The following SBNO2 variants were observed in gnomAD, a reference collection of about 807,000 sequenced individuals.
SBNO2 encodes protein strawberry notch homolog 2.
A neutral mutation model predicts 146.3 loss-of-function variants in SBNO2; 89 were observed. The observed-to-expected ratio is 0.61, with a 90% confidence interval of 0.51 to 0.73. SBNO2 has a LOEUF of 0.73. Among genes scored for constraint, SBNO2 ranks in the 30% least tolerant of loss-of-function variants. SBNO2 has a pLI of 0.00. For synonymous variants in SBNO2, 1,147 were observed against 892.6 expected, an observed-to-expected ratio of 1.29 and a Z score of -5.08; for missense variants, 2,092 against 2,003.7, an observed-to-expected ratio of 1.04 and a Z score of -0.84.
chr19:1,112,496 G>A lies in SBNO2; in HGVS notation c.2421C>T (p.Ser807=), dbSNP rs1025659774. ...TCTGGACACGGCGGTCGGCTTGGAG[G>A]GAGACACCCGAGCTGGAGGCCTCCG... ...IISEASSSGV[S]LQADRRVQNQ... is the part of the protein sequence containing the mutation. The change falls in exon 21 of 32, where the codon TCC becomes TCT. Residue 807 remains serine, a synonymous_variant. Transcript: ENST00000361757. This position sits in a 1 kb window ranked among gnomAD's most constrained non-coding sequence, Gnocchi z 5.9. 5.0e-6 allele frequency: 8 copies of A among 1,605,960 alleles called. No individual in the cohort carries two copies. Among genetic ancestry groups the A allele is most frequent in the Non-Finnish European group, 6.8e-6 (8 of 1,178,338 alleles).
rs1480148584 is a variant in SBNO2 at position 1,109,533 on chromosome 19, G to A, written c.3189C>T (p.Pro1063=). The A allele has an allele frequency of 2.5e-6, 4 of 1,601,206 alleles. No individual in the cohort carries two copies. The African/African-American group carries it at 4.0e-5, about 16-fold the overall frequency. ...AFAKSLALTG[P]YDGFYLSYKV... is the part of the protein sequence containing the mutation. ...TGTAGGAGAGGTAGAAGCCGTCATA[G>A]GGGCCCGTCAGCGCCAGCGACTTGG... The change falls in exon 28 of 32, where the codon CCC becomes CCT. Residue 1063 remains proline, a synonymous_variant. Coordinates refer to ENST00000361757, the MANE Select transcript of SBNO2 (RefSeq NM_014963.3). This position sits in a 1 kb window ranked among gnomAD's most constrained non-coding sequence, Gnocchi z 4.2.
rs1349286099 is a variant in SBNO2 at position 1,158,400 on chromosome 19, CAG to C, written c.-126-4000_-126-3999del. ...GGAGCCTTGACGTGACCCCCAGAGCCAGACTCAGCAGCTCAGGCCACGCTGTG... is the reference window on the plus strand; with the variant it reads ...GGAGCCTTGACGTGACCCCCAGAGCCACTCAGCAGCTCAGGCCACGCTGTG... On this transcript the variant is annotated intron_variant, in intron 1 of 31. Transcript: ENST00000361757. The surrounding 1 kb of genome is among the most constrained non-coding windows in gnomAD (Gnocchi z 9.9). Among the ~76,000 whole-genome samples the C allele has an allele frequency of 2.6e-5, 4 of 152,144 alleles. No individual in the cohort carries two copies. The highest frequency in any genetic ancestry group is 7.2e-5 in the African/African-American group (3 of 41,440).
At chr19:1,145,366 G>T (rs569769637) in intron 4 of SBNO2, among the ~76,000 whole-genome samples, 44 of 151,412 alleles carry the variant, frequency 2.9e-4, no homozygotes, top group African/African-American at 1.0e-3. Context: ...TCAGCTGCTC[G>T]GGAGGCTGAG....
chr19:1,131,270 T>C (rs1171090797), intron 4 of SBNO2, among the ~76,000 whole-genome samples: 1 of 152,046 alleles, frequency 6.6e-6, no homozygotes, highest in Non-Finnish European at 1.5e-5. Context: ...CTGCAGTCTG[T>C]AGTGAGGGCA....
chr19:1,111,950 A>ACCCCTG (rs772734201), intron 23 of SBNO2, 46 bp downstream of exon 23: 7 of 1,480,974 alleles, frequency 4.7e-6, no homozygotes, highest in East Asian at 4.7e-5. Context: ...CCCTCCCTAG[A>ACCCCTG]CCCCTGCCCC....
At chr19:1,171,050 C>T (rs976441270) in intron 1 of SBNO2, among the ~76,000 whole-genome samples, 1 of 151,948 alleles carries the variant, frequency 6.6e-6, no homozygotes, top group African/African-American at 2.4e-5. Flanking sequence ...GACTCATGAA[C>T]ATGGGTACAC....
rs1008151806 is a variant in SBNO2, at chr19:1,110,284, T to G, written c.3028+461A>C. On this transcript the variant is annotated intron_variant, in intron 26 of 31. Transcript: ENST00000361757. This position sits in a 1 kb window ranked among gnomAD's most constrained non-coding sequence, Gnocchi z 4.9. ...GTCCTGATGGACAGGCCTGGCCCCA[T>G]GAGGCTGGAAGCACAGGCTCGCCGG... Among the ~76,000 whole-genome samples, 1 of 152,134 alleles carries G rather than the reference T, an allele frequency of 6.6e-6. No homozygotes were observed. The highest frequency in any genetic ancestry group is 2.4e-5 in the African/African-American group (1 of 41,416).
intron 4 of SBNO2, among the ~76,000 whole-genome samples, chr19:1,146,824 C>T (rs1444599956): frequency 2.7e-5 from 4 of 150,752 alleles, no homozygotes; most frequent in Admixed American, 6.6e-5. Flanking sequence ...GGGTGGGGTC[C>T]GCCTGATGCC....
intron 4 of SBNO2, among the ~76,000 whole-genome samples, chr19:1,130,662 T>G (rs1196828212): frequency 6.6e-6 from 1 of 151,118 alleles, no homozygotes; most frequent in East Asian, 2.0e-4. Flanking sequence ...CATGGCAGCA[T>G]GTGCCTGCAG....
chr19:1,113,673 A>G lies in SBNO2; in HGVS notation c.2109T>C (p.His703=). 6.3e-7 allele frequency: 1 copy of G among 1,592,560 alleles called. No homozygotes were observed. The highest frequency in any genetic ancestry group is 1.4e-5 in the African/African-American group (1 of 72,992). ...CCACCCGCTCCAGGACCCCGGGGCCATGCGGGTCTCTCTGCAGGAGGCACA... is the reference window on the plus strand; with the variant it reads ...CCACCCGCTCCAGGACCCCGGGGCCGTGCGGGTCTCTCTGCAGGAGGCACA... The part of the protein sequence containing the change: ...GPLCLLQRDP[H]GPGVLERVER... Residue 703 remains histidine (H), a synonymous_variant, in exon 19 of 32, where the codon CAT becomes CAC. Transcript: ENST00000361757.
At position 1,117,511 on chromosome 19, in the gene SBNO2, C is replaced by A. The variant is rs753073035; in HGVS notation, c.1528-12G>T. 1 of 1,564,528 alleles carries A rather than the reference C, an allele frequency of 6.4e-7. No homozygotes were observed. The highest frequency in any genetic ancestry group is 1.2e-5 in the South Asian group (1 of 85,006). On this transcript the variant is annotated splice_polypyrimidine_tract_variant and intron_variant, in intron 14 of 31. Coordinates refer to ENST00000361757, the MANE Select transcript of SBNO2 (RefSeq NM_014963.3). ...AGGGCCTCGGCCCACTGCAATGACACGTCACAAGGCGCCCCTGAGCTGTGG... is the reference window on the plus strand; with the variant it reads ...AGGGCCTCGGCCCACTGCAATGACAAGTCACAAGGCGCCCCTGAGCTGTGG...
At chr19:1,166,610 TGCACGC>T (rs1366189647) in intron 1 of SBNO2, among the ~76,000 whole-genome samples, 2 of 77,598 alleles carry the variant, frequency 2.6e-5, no homozygotes, top group Admixed American at 1.7e-4. Context: ...AGACCGCAAC[TGCACGC>T]GCACACACAC....
At chr19:1,145,080 C>T (rs924469644) in intron 4 of SBNO2, among the ~76,000 whole-genome samples, 14 of 149,450 alleles carry the variant, frequency 9.4e-5, no homozygotes, top group African/African-American at 3.5e-4. Flanking sequence ...GAGGCAGAGA[C>T]AGAGAGGGAG....
rs375519267 is a variant in SBNO2, at chr19:1,116,842, C to T, written c.1789G>A (p.Val597Ile). 2.6e-5 allele frequency: 42 copies of T among 1,590,152 alleles called. No individual in the cohort carries two copies. Among genetic ancestry groups the T allele is most frequent in the Admixed American group, 3.5e-5 (2 of 57,204 alleles). ...CGTGACACTTACTCAGCGGCCGAGACGAAGCAGTTGAGGTGCCCATCGTTC... is the reference window on the plus strand; with the variant it reads ...CGTGACACTTACTCAGCGGCCGAGATGAAGCAGTTGAGGTGCCCATCGTTC... The part of the protein sequence containing the change: ...GENDGHLNCF[V>I]SAAEGVFLSL... Residue 597 changes from valine (V) to isoleucine (I), a missense_variant, in exon 16 of 32, where the codon GTC becomes ATC. Physicochemically the swap from Val to Ile is conservative, Grantham distance 29. Transcript: ENST00000361757.
chr19:1,164,826 AGGAGGAAC>A (rs2080393737), intron 1 of SBNO2, among the ~76,000 whole-genome samples: 2 of 44,750 alleles, frequency 4.5e-5, no homozygotes, highest in African/African-American at 8.6e-5. Context: ...AGGAGGAGGG[AGGAGGAAC>A]AGGAGGAGGA....
intron 11 of SBNO2, among the ~76,000 whole-genome samples, chr19:1,121,186 G>A (rs1184435681): frequency 6.6e-6 from 1 of 152,216 alleles, no homozygotes; most frequent in Non-Finnish European, 1.5e-5. Context: ...ACTGCACCCG[G>A]CCAGGTTCTT....
rs2079738916 is a variant in SBNO2, at chr19:1,110,193, G to A, written c.3029-416C>T. 6.6e-6 allele frequency among the ~76,000 whole-genome samples: 1 copy of A among 152,140 alleles called. No individual in the cohort carries two copies. The highest frequency in any genetic ancestry group is 1.9e-4 in the East Asian group (1 of 5,202). On this transcript the variant is annotated intron_variant, in intron 26 of 31. Coordinates refer to ENST00000361757, the MANE Select transcript of SBNO2 (RefSeq NM_014963.3). This position sits in a 1 kb window ranked among gnomAD's most constrained non-coding sequence, Gnocchi z 4.9. ...GGGGATCGTGGGAGCCTGGTTGGCT[G>A]CGGCACTGCTCATGAGTGAAGTAGC...
chr19:1,111,234 C>G (rs1005569542), intron 24 of SBNO2, 141 bp from the exon 25 acceptor site: 8 of 982,682 alleles, frequency 8.1e-6, no homozygotes, highest in Non-Finnish European at 1.2e-5. Flanking sequence ...GGGCCAGGAG[C>G]GGAGCCTTTT....
At chr19:1,132,346 C>CGT (rs2080040592) in intron 4 of SBNO2, 1 of 1,248,240 alleles carries the variant, frequency 8.0e-7, no homozygotes, top group Non-Finnish European at 1.0e-6. Flanking sequence ...ATGCCGGCCC[C>CGT]GTAAGTCAGG....
Sources: gnomAD v4.1 joint callset for allele counts (sites outside exome capture counted in the v4.1 genomes callset) on GRCh38, gnomAD v4.1.1 for gene constraint, Gnocchi (gnomAD v3.1) non-coding constraint, MANE v1.5 for transcripts, NCBI Gene and HGNC (gene_info 2026-07-23, HGNC 2026-07-21) for gene names.